RCBTB1: variants seen among roughly 807,000 people sequenced by gnomAD.
The protein encoded by RCBTB1 is RCC1 and BTB domain containing protein 1, also known as RCC1 and BTB domain-containing protein 1.
RCBTB1 carries 46 observed loss-of-function variants against 62.4 expected under a neutral mutation model. The ratio of observed to expected loss-of-function variants is 0.74; its 90% CI spans 0.58 to 0.94. The LOEUF (loss-of-function observed/expected upper bound fraction) is 0.94. RCBTB1 is among the 40% of genes least tolerant of loss of function. RCBTB1 has a pLI of 0.00. For missense variants in RCBTB1, 565 were observed against 654.9 expected, an observed-to-expected ratio of 0.86 and a Z score of 1.50; for synonymous variants, 222 against 245.8, an observed-to-expected ratio of 0.90 and a Z score of 0.91.
Position 49,532,581 on chromosome 13 carries a change from T to A in RCBTB1, c.*1541A>T, listed in dbSNP as rs1959642014. 1 of 152,526 alleles carries A rather than the reference T, an allele frequency of 6.6e-6. No individual in the cohort carries two copies. The highest frequency in any genetic ancestry group is 1.5e-5 in the Non-Finnish European group (1 of 68,028). The allele number at this position is 152,526 out of a possible 1,614,324, so 9.4% of individuals were successfully genotyped here. Reference sequence around the variant, plus strand: ...TTCACTGGGCTTCAATCACTTGTGATATGGTCAAGAAAAGGGGGCTGGGGC... The same window carrying A: ...TTCACTGGGCTTCAATCACTTGTGAAATGGTCAAGAAAAGGGGGCTGGGGC... On this transcript the variant is annotated 3_prime_UTR_variant, in exon 13 of 13. Coordinates refer to ENST00000378302, the MANE Select transcript of RCBTB1 (RefSeq NM_018191.4).
intron 8 of RCBTB1, 136 bp downstream of exon 8, chr13:49,551,190 G>T: frequency 1.0e-6 from 1 of 971,126 alleles, no homozygotes; most frequent in Non-Finnish European, 1.5e-6. Flanking sequence ...AGGGAGAAGG[G>T]AAGGTTATCT....
At chr13:49,583,601 C>T (rs1964228202) in intron 1 of RCBTB1, among the ~76,000 whole-genome samples, 1 of 151,890 alleles carries the variant, frequency 6.6e-6, no homozygotes, top group Non-Finnish European at 1.5e-5. Context: ...GGCTGGAGTG[C>T]AGTGGCACAA....
At chr13:49,543,903 T>G (rs1594259450) in intron 10 of RCBTB1, among the ~76,000 whole-genome samples, 4 of 152,104 alleles carry the variant, frequency 2.6e-5, no homozygotes. Flanking sequence ...CCTAGGCTGG[T>G]CTCAGACTCC....
intron 6 of RCBTB1, 58 bp from the exon 7 acceptor site, chr13:49,552,343 G>A (rs542626763): frequency 3.5e-6 from 4 of 1,151,640 alleles, no homozygotes; most frequent in Admixed American, 2.3e-5. Flanking sequence ...AGAAGGAAGA[G>A]ACAAAAAAAC....
intron 5 of RCBTB1, among the ~76,000 whole-genome samples, chr13:49,559,360 GAGT>G (rs61295710): frequency 0.24 from 36,905 of 151,964 alleles, 5,762 homozygotes; most frequent in African/African-American, 0.44. Flanking sequence ...CAAAGAAACA[GAGT>G]AGAAAGTTGT....
chr13:49,577,866 T>C (rs1163194178), intron 2 of RCBTB1, among the ~76,000 whole-genome samples: 1 of 152,240 alleles, frequency 6.6e-6, no homozygotes, highest in Non-Finnish European at 1.5e-5. Flanking sequence ...ATGATATTTT[T>C]AATTGCAAAA....
chr13:49,584,772 T>C (rs1398982280), intron 1 of RCBTB1, among the ~76,000 whole-genome samples: 1 of 152,210 alleles, frequency 6.6e-6, no homozygotes, highest in Non-Finnish European at 1.5e-5. Context: ...GTTCCGCAGA[T>C]GGCTTGAAAG....
intron 1 of RCBTB1, among the ~76,000 whole-genome samples, 196 bp downstream of exon 1, chr13:49,585,248 T>TGGCGG (rs1313099115): frequency 1.3e-5 from 2 of 152,100 alleles, no homozygotes; most frequent in Non-Finnish European, 2.9e-5. Flanking sequence ...GCTGAGGTGC[T>TGGCGG]GGCGGGGCCG....
At chr13:49,552,004 A>G (rs1471932660) in intron 7 of RCBTB1, among the ~76,000 whole-genome samples, 174 bp downstream of exon 7, 1 of 148,444 alleles carries the variant, frequency 6.7e-6, no homozygotes, top group East Asian at 2.0e-4. Context: ...TGCCAACACC[A>G]TAGTCTTGCT....
intron 2 of RCBTB1, among the ~76,000 whole-genome samples, chr13:49,575,972 G>A (rs1015641829): frequency 1.3e-5 from 2 of 152,054 alleles, no homozygotes; most frequent in African/African-American, 4.8e-5. Flanking sequence ...CAGATCACAA[G>A]GTCAGAGATC....
chr13:49,551,297 A>T, intron 8 of RCBTB1, 29 bp downstream of exon 8: 4 of 1,610,936 alleles, frequency 2.5e-6, no homozygotes, highest in Non-Finnish European at 3.4e-6. Flanking sequence ...TCGCACACAC[A>T]GTCCCAAGAC....
intron 12 of RCBTB1, among the ~76,000 whole-genome samples, chr13:49,535,893 A>T (rs904796990): frequency 6.6e-6 from 1 of 151,918 alleles, no homozygotes; most frequent in Non-Finnish European, 1.5e-5. Flanking sequence ...TGTGGTGGCA[A>T]GCACCTGTAA....
At chr13:49,565,548 G>A (rs1315082106) in intron 4 of RCBTB1, among the ~76,000 whole-genome samples, 11 of 145,190 alleles carry the variant, frequency 7.6e-5, no homozygotes, top group African/African-American at 5.1e-5. Flanking sequence ...CTTCCCGGCC[G>A]CCACCCCATC....
At chr13:49,551,194 G>A (rs1423135452) in intron 8 of RCBTB1, 132 bp downstream of exon 8, 1 of 1,037,848 alleles carries the variant, frequency 9.6e-7, no homozygotes, top group Non-Finnish European at 1.4e-6. Flanking sequence ...AGAAGGGAAG[G>A]TTATCTCTTT....
Position 49,534,335 on chromosome 13 carries a change from C to A in RCBTB1, c.1456-73G>T, listed in dbSNP as rs145362282. 4.2e-3 allele frequency: 6,112 copies of A among 1,465,996 alleles called. 22 individuals carry two copies. The highest frequency in any genetic ancestry group is 5.0e-3 in the Non-Finnish European group (5,402 of 1,078,410). 90.8% of individuals were successfully genotyped at this position (1,465,996 alleles called of 1,614,324 possible). On this transcript the variant is annotated intron_variant, in intron 12 of 12. Transcript: ENST00000378302. ...TTTGATTGAATTACTTCTCTCTGAG[C>A]CCTTTACCCCAAATCTCTCACCCTC...
intron 4 of RCBTB1, among the ~76,000 whole-genome samples, chr13:49,565,409 G>A (rs1247498286): frequency 3.9e-5 from 6 of 152,078 alleles, no homozygotes; most frequent in Admixed American, 1.3e-4. Flanking sequence ...CCAAAGTGCC[G>A]AGATTGCAGC....
In RCBTB1 at chr13:49,544,666, G is replaced by C. The variant is rs1024721760; in HGVS notation, c.1172+71C>G. The C allele has an allele frequency of 5.8e-5, 74 of 1,274,914 alleles. No homozygotes were observed. In the African/African-American group the frequency reaches 1.1e-3, roughly 19 times the overall value. 79.0% of individuals were successfully genotyped at this position (1,274,914 alleles called of 1,614,324 possible). On this transcript the variant is annotated intron_variant, in intron 10 of 12. Transcript: ENST00000378302. The stretch of plus-strand genomic sequence containing the variant: ...CTACTACCAAGGCTATTTTTTATCA[G>C]TACTCATTTTGTGGAATAACAAAGA...
chr13:49,563,230 T>C (rs140483693), intron 4 of RCBTB1, among the ~76,000 whole-genome samples: 2,847 of 150,436 alleles, frequency 0.019, 92 homozygotes, highest in South Asian at 0.037. Flanking sequence ...TGAGACCTCA[T>C]CTCTACAAAA....
At chr13:49,579,012 C>G (rs1364662916) in intron 2 of RCBTB1, among the ~76,000 whole-genome samples, 1 of 152,168 alleles carries the variant, frequency 6.6e-6, no homozygotes, top group African/African-American at 2.4e-5. Context: ...TTCAAAAACC[C>G]TCTCAAGGTA....
Sources: gnomAD v4.1 joint callset for allele counts (sites outside exome capture counted in the v4.1 genomes callset) on GRCh38, gnomAD v4.1.1 for gene constraint, MANE v1.5 for transcripts, NCBI Gene and HGNC (gene_info 2026-07-23, HGNC 2026-07-21) for gene names.